The following CCDC146 variants were observed in gnomAD, a reference collection of about 807,000 sequenced individuals.
The protein encoded by CCDC146 is coiled-coil domain-containing protein 146.
A neutral mutation model predicts 119.3 loss-of-function variants in CCDC146; 92 were observed. That is an observed-to-expected ratio of 0.77 (90% CI 0.65 to 0.92). The LOEUF is 0.92. CCDC146 is among the 40% of genes least tolerant of loss of function. CCDC146 has a pLI of 0.00. For missense variants in CCDC146, 1,000 were observed against 1,103.0 expected (o/e 0.91, Z 1.32); for synonymous variants, 372 against 371.8 (o/e 1.00, Z -0.01).
intron 4 of CCDC146, chr7:77,242,259 G>C (rs187369505): frequency 2.4e-6 from 1 of 409,942 alleles, no homozygotes; most frequent in Non-Finnish European, 3.6e-6. Flanking sequence ...ACCAGAGCAC[G>C]CATCTGCATG....
chr7:77,132,471 AT>A (rs1436504243), intron 1 of CCDC146, among the ~76,000 whole-genome samples: 3 of 144,162 alleles, frequency 2.1e-5, no homozygotes, highest in Non-Finnish European at 4.5e-5. Context: ...AATCCCAGCA[AT>A]TTGGGAAGCC....
At chr7:77,292,301 A>ATTTTTTTTT (rs35258178) in intron 17 of CCDC146, among the ~76,000 whole-genome samples, 4 of 132,662 alleles carry the variant, frequency 3.0e-5, no homozygotes, top group South Asian at 2.4e-4. Context: ...CTTTATTTTA[A>ATTTTTTTTT]TTTTTTTTTT....
intron 1 of CCDC146, among the ~76,000 whole-genome samples, chr7:77,166,756 A>G (rs1791342793): frequency 6.6e-6 from 1 of 152,074 alleles, no homozygotes; most frequent in African/African-American, 2.4e-5. Context: ...TTCAGAGAAC[A>G]TTTTTCTGAC....
Position 77,150,174 on chromosome 7 carries a change from T to G in CCDC146, c.-11-17484T>G, listed in dbSNP as rs185286902. Among the ~76,000 whole-genome samples the G allele has an allele frequency of 3.6e-4, 55 of 152,166 alleles. 1 individual carries two copies. Among genetic ancestry groups the G allele is most frequent in the Admixed American group, 1.2e-3 (18 of 15,292 alleles). On this transcript the variant is annotated intron_variant, in intron 1 of 18. Coordinates refer to ENST00000285871, the MANE Select transcript of CCDC146 (RefSeq NM_020879.3). The stretch of plus-strand genomic sequence containing the variant: ...TTAATTCAGGATAATCTGTAAGAAT[T>G]CTTTTATAAAATATAAAAAGTGTGA...
At chr7:77,251,551 C>T (rs1209557539) in intron 4 of CCDC146, among the ~76,000 whole-genome samples, 1 of 151,934 alleles carries the variant, frequency 6.6e-6, no homozygotes, top group South Asian at 2.1e-4. Flanking sequence ...TAGCCAGACA[C>T]GATGTACTGG....
chr7:77,138,009 C>T (rs981015209), intron 1 of CCDC146, among the ~76,000 whole-genome samples: 2 of 151,640 alleles, frequency 1.3e-5, no homozygotes, highest in Non-Finnish European at 2.9e-5. Context: ...ACCATGCTGG[C>T]ATGGTCAGTT....
In CCDC146 at chr7:77,287,537, C is replaced by T; in HGVS notation, c.2375C>T (p.Thr792Ile). The T allele has an allele frequency of 6.2e-7, 1 of 1,613,948 alleles. No individual in the cohort carries two copies. Among genetic ancestry groups the T allele is most frequent in the East Asian group, 2.2e-5 (1 of 44,880 alleles). Residue 792 changes from threonine to isoleucine, a missense_variant, in exon 17 of 19, where the codon ACT (threonine) becomes ATT (isoleucine). Transcript: ENST00000285871. ...CTCACAGACAGGCTCTGCAGCAAAA[C>T]TCAGGGCTGCAAGCAGGACACACTG... Reference protein sequence around the residue: ...SRLTDRLCSKTQGCKQDTLLL... With the variant: ...SRLTDRLCSKIQGCKQDTLLL...
In CCDC146 at chr7:77,196,414, G is replaced by A; in HGVS notation, c.156+28590G>A. Reference sequence around the variant, plus strand: ...CATTACGGACACCTCTGTATTTTTGGTGATAATATTTGCCATTTAAGTTTG... The same window carrying A: ...CATTACGGACACCTCTGTATTTTTGATGATAATATTTGCCATTTAAGTTTG... On this transcript the variant is annotated intron_variant, in intron 2 of 18. Coordinates refer to ENST00000285871, the MANE Select transcript of CCDC146 (RefSeq NM_020879.3). This position sits in a 1 kb window ranked among gnomAD's most constrained non-coding sequence, Gnocchi z 4.2. The A allele has an allele frequency of 1.2e-6, 2 of 1,614,096 alleles. No homozygotes were observed. The highest frequency in any genetic ancestry group is 8.5e-7 in the Non-Finnish European group (1 of 1,180,012).
chr7:77,223,565 G>T lies in CCDC146; in HGVS notation c.157-13382G>T, dbSNP rs190546827. Among the ~76,000 whole-genome samples, 596 of 152,346 alleles carry T rather than the reference G, an allele frequency of 3.9e-3. 1 individual carries two copies. The highest frequency in any genetic ancestry group is 6.2e-3 in the Non-Finnish European group (422 of 68,038). On this transcript the variant is annotated intron_variant, in intron 2 of 18. Coordinates refer to ENST00000285871, the MANE Select transcript of CCDC146 (RefSeq NM_020879.3). ...AGCTGTGAGCAAGGCAGCTAGTTTT[G>T]TAAGGCACACTTTGCTCTTCCAGGC... is the stretch of plus-strand genomic sequence containing the variant.
At chr7:77,246,314 A>G (rs1792948181) in intron 4 of CCDC146, 1 of 152,226 alleles carries the variant, frequency 6.6e-6, no homozygotes, top group Admixed American at 6.5e-5. Context: ...TCACCCATCC[A>G]TGCTGTTTCT....
chr7:77,160,110 T>G (rs1231881786), intron 1 of CCDC146, among the ~76,000 whole-genome samples: 3 of 152,224 alleles, frequency 2.0e-5, no homozygotes, highest in Non-Finnish European at 4.4e-5. Context: ...AGGGCTCTAT[T>G]CTGTTCCATT....
At chr7:77,168,286 A>G (rs1371971163) in intron 2 of CCDC146, among the ~76,000 whole-genome samples, 4 of 151,986 alleles carry the variant, frequency 2.6e-5, no homozygotes, top group African/African-American at 9.7e-5. Flanking sequence ...ATGATGAATT[A>G]TATATTCTCA....
chr7:77,143,412 T>C (rs1790966965), intron 1 of CCDC146, among the ~76,000 whole-genome samples: 1 of 151,904 alleles, frequency 6.6e-6, no homozygotes, highest in African/African-American at 2.4e-5. Context: ...CAGAAGCTCC[T>C]TAGCTTAATT....
chr7:77,146,194 T>G (rs1235512149), intron 1 of CCDC146, among the ~76,000 whole-genome samples: 1 of 152,060 alleles, frequency 6.6e-6, no homozygotes, highest in Non-Finnish European at 1.5e-5. Context: ...CTTTTGATCT[T>G]TGTTGGTTTA....
intron 8 of CCDC146, among the ~76,000 whole-genome samples, chr7:77,261,770 CCCAG>C (rs1793304674): frequency 6.6e-6 from 1 of 152,254 alleles, no homozygotes; most frequent in South Asian, 2.1e-4. Flanking sequence ...AGCCACCGCG[CCCAG>C]CCCTCATTCT....
intron 1 of CCDC146, among the ~76,000 whole-genome samples, chr7:77,147,338 C>G (rs7778026): frequency 0.15 from 22,438 of 152,158 alleles, 2,411 homozygotes; most frequent in Non-Finnish European, 0.21. Flanking sequence ...TTTTTAACTT[C>G]TTTGCACTGG....
chr7:77,176,250 C>A (rs1392034066), intron 2 of CCDC146, among the ~76,000 whole-genome samples: 1 of 151,168 alleles, frequency 6.6e-6, no homozygotes, highest in Non-Finnish European at 1.5e-5. Context: ...GTTAATATCT[C>A]TTGAATTTGT....
intron 9 of CCDC146, among the ~76,000 whole-genome samples, chr7:77,268,460 C>G (rs983571778): frequency 1.3e-5 from 2 of 152,146 alleles, no homozygotes; most frequent in Non-Finnish European, 2.9e-5. Flanking sequence ...CTGACTTGTT[C>G]CAAAGTAGTC....
chr7:77,249,865 T>C (rs879099576), intron 4 of CCDC146, among the ~76,000 whole-genome samples: 1 of 152,228 alleles, frequency 6.6e-6, no homozygotes, highest in Admixed American at 6.5e-5. Flanking sequence ...CTATTTGTTG[T>C]GCTTGTTCTT....
Sources: gnomAD v4.1 joint callset for allele counts (sites outside exome capture counted in the v4.1 genomes callset) on GRCh38, gnomAD v4.1.1 for gene constraint, Gnocchi (gnomAD v3.1) non-coding constraint, MANE v1.5 for transcripts, NCBI Gene and HGNC (gene_info 2026-07-23, HGNC 2026-07-21) for gene names.